Variants in WDR72 observed in about 807,000 individuals in gnomAD.
WDR72 encodes the protein WD repeat domain 72.
In WDR72, 120 loss-of-function variants were observed where a neutral mutation model predicts 124.2. The ratio of observed to expected loss-of-function variants is 0.97; its 90% CI spans 0.83 to 1.12. The LOEUF is 1.12. WDR72 is among the 50% of genes most tolerant of loss of function. The pLI, the probability that WDR72 is intolerant of heterozygous loss-of-function variation, is 0.00. For synonymous variants in WDR72, 452 were observed against 441.7 expected (o/e 1.02, Z -0.29); for missense variants, 1,387 against 1,278.8 (o/e 1.08, Z -1.29).
intron 18 of WDR72, among the ~76,000 whole-genome samples, chr15:53,591,685 AAC>A (rs67873847): frequency 0.035 from 5,153 of 148,860 alleles, 160 homozygotes; most frequent in East Asian, 0.16. Context: ...CAACACACAC[AAC>A]ACACACACAC....
intron 2 of WDR72, among the ~76,000 whole-genome samples, chr15:53,726,285 TACAC>T (rs143084949): frequency 0.04 from 4,621 of 115,384 alleles, 436 homozygotes; most frequent in African/African-American, 0.16. Context: ...TATATATATA[TACAC>T]ACACACACTG....
intron 18 of WDR72, among the ~76,000 whole-genome samples, chr15:53,583,322 A>T (rs1289287476): frequency 6.6e-6 from 1 of 152,102 alleles, no homozygotes; most frequent in Non-Finnish European, 1.5e-5. Flanking sequence ...AATCATTTGA[A>T]AATAACTCAT....
At chr15:53,695,733 C>G (rs541297816) in intron 13 of WDR72, among the ~76,000 whole-genome samples, 47 of 152,314 alleles carry the variant, frequency 3.1e-4, no homozygotes, top group Non-Finnish European at 6.0e-4. Flanking sequence ...TCATCCATCT[C>G]ACTATGCCAC....
chr15:53,746,757 T>C (rs1017971793), intron 1 of WDR72, among the ~76,000 whole-genome samples: 1 of 152,172 alleles, frequency 6.6e-6, no homozygotes, highest in African/African-American at 2.4e-5. Context: ...AGTTTGAGTT[T>C]AGGTGGAGAT....
At chr15:53,585,297 G>A (rs572265465) in intron 18 of WDR72, among the ~76,000 whole-genome samples, 106 of 152,056 alleles carry the variant, frequency 7.0e-4, no homozygotes, top group East Asian at 3.1e-3. Flanking sequence ...AGAGAGAAGC[G>A]CAAGCAGGGG....
chr15:53,701,531 A>T (rs1340845138), intron 12 of WDR72, among the ~76,000 whole-genome samples: 1 of 73,990 alleles, frequency 1.4e-5, no homozygotes, highest in Non-Finnish European at 2.8e-5. Flanking sequence ...ACAAAGTGAG[A>T]CCCTGTCTCT....
At chr15:53,760,542 C>T (rs533461204), upstream of WDR72, among the ~76,000 whole-genome samples, 1 of 152,154 alleles carries the variant, frequency 6.6e-6, no homozygotes, top group Non-Finnish European at 1.5e-5. Context: ...TAGTACTCCA[C>T]CGTGTATATG....
chr15:53,752,615 A>C (rs1260881844), intron 1 of WDR72, among the ~76,000 whole-genome samples: 1 of 152,198 alleles, frequency 6.6e-6, no homozygotes, highest in Non-Finnish European at 1.5e-5. Context: ...TCCAGCCTCC[A>C]GAACTGTGAG....
At chr15:53,587,636 T>C (rs1288361516) in intron 18 of WDR72, among the ~76,000 whole-genome samples, 2 of 152,056 alleles carry the variant, frequency 1.3e-5, no homozygotes, top group Non-Finnish European at 2.9e-5. Flanking sequence ...TTGGCTAGGA[T>C]TGAGAGCACT....
Position 53,517,588 on chromosome 15 carries a change from C to T in WDR72, c.*111G>A. ...GGCTAAAGTATTAGCAAATCCACTACAGCCTAATAACTTGACCAATAACAA... is the reference window on the plus strand; with the variant it reads ...GGCTAAAGTATTAGCAAATCCACTATAGCCTAATAACTTGACCAATAACAA... On this transcript the variant is annotated 3_prime_UTR_variant, in exon 20 of 20. Coordinates refer to ENST00000360509, the MANE Select transcript of WDR72 (RefSeq NM_182758.4). 3 of 1,141,250 alleles carry T rather than the reference C, an allele frequency of 2.6e-6. No homozygotes were observed. The highest frequency in any genetic ancestry group is 4.0e-6 in the Non-Finnish European group (3 of 754,456). 70.7% of individuals were successfully genotyped at this position (1,141,250 alleles called of 1,614,324 possible).
intron 13 of WDR72, among the ~76,000 whole-genome samples, chr15:53,678,344 T>C (rs2016251665): frequency 6.6e-6 from 1 of 152,186 alleles, no homozygotes; most frequent in African/African-American, 2.4e-5. Context: ...CTAGACATTA[T>C]TGATAGTATT....
chr15:53,713,800 C>G (rs149333010), intron 6 of WDR72, among the ~76,000 whole-genome samples: 1 of 152,048 alleles, frequency 6.6e-6, no homozygotes, highest in Non-Finnish European at 1.5e-5. Context: ...GAACAAAGTG[C>G]CAACACACAG....
rs115848720 is a variant in WDR72, at chr15:53,595,194, A to T, written c.3148+1885T>A. Among the ~76,000 whole-genome samples the T allele has an allele frequency of 9.3e-3, 1,422 of 152,274 alleles. 32 individuals are homozygous for T. The highest frequency in any genetic ancestry group is 0.033 in the African/African-American group (1,371 of 41,552). On this transcript the variant is annotated intron_variant, in intron 18 of 19. Coordinates refer to ENST00000360509, the MANE Select transcript of WDR72 (RefSeq NM_182758.4). ...AAATTTTCTTTTACCATAGGCAAAA[A>T]AAGGACTATTCAATAATTAATCAAA...
chr15:53,530,123 T>C (rs1435124033), intron 18 of WDR72, among the ~76,000 whole-genome samples: 2 of 151,706 alleles, frequency 1.3e-5, no homozygotes, highest in East Asian at 3.9e-4. Flanking sequence ...ATAATTTCCA[T>C]GACTTTGGTC....
intron 9 of WDR72, 114 bp downstream of exon 9, chr15:53,710,743 G>C (rs933249085): frequency 1.2e-6 from 1 of 845,090 alleles, no homozygotes; most frequent in South Asian, 1.4e-5. Flanking sequence ...TTAACAACTT[G>C]ATGGGATGCT....
chr15:53,697,217 A>C (rs2017029332), intron 13 of WDR72, among the ~76,000 whole-genome samples: 1 of 152,238 alleles, frequency 6.6e-6, no homozygotes, highest in African/African-American at 2.4e-5. Context: ...TAGTATGTCC[A>C]TAATGACAAC....
At chr15:53,518,757 T>C (rs1258004584) in intron 19 of WDR72, among the ~76,000 whole-genome samples, 1 of 148,398 alleles carries the variant, frequency 6.7e-6, no homozygotes, top group Admixed American at 6.7e-5. Flanking sequence ...TGAGCCAGAA[T>C]AGAAAAAGAA....
intron 2 of WDR72, among the ~76,000 whole-genome samples, chr15:53,730,456 G>A (rs1048524645): frequency 2.6e-5 from 4 of 152,172 alleles, no homozygotes; most frequent in African/African-American, 7.2e-5. Context: ...TAATGAAAGC[G>A]TAAATAAGTG....
intron 17 of WDR72, among the ~76,000 whole-genome samples, chr15:53,606,333 A>G (rs184902715): frequency 1.1e-4 from 16 of 152,252 alleles, no homozygotes; most frequent in South Asian, 2.1e-4. Flanking sequence ...TTTTAGGGTG[A>G]CTGCTAATGT....
Sources: allele counts gnomAD v4.1 joint callset (sites outside exome capture counted in the v4.1 genomes callset), GRCh38; gene constraint gnomAD v4.1.1; transcripts MANE v1.5; gene names NCBI Gene and HGNC (gene_info 2026-07-23, HGNC 2026-07-21).